Variants in PLB1 observed in about 807,000 individuals in gnomAD.
The protein encoded by PLB1 is phospholipase B1.
Under a neutral mutation model 227.4 loss-of-function variants are expected in PLB1, and 242 were observed. The observed-to-expected ratio is 1.06, with a 90% confidence interval of 0.96 to 1.18. The LOEUF is 1.18. Ranked by LOEUF, PLB1 falls within the 50% of genes most tolerant of loss-of-function variation. The probability of loss-of-function intolerance (pLI) is 0.00; values close to 1 mark genes in which losing one functional copy is unlikely to be tolerated. For missense variants in PLB1, 1,858 were observed against 1,816.3 expected (o/e 1.02, Z -0.42); for synonymous variants, 757 against 682.2 (o/e 1.11, Z -1.71).
At chr2:28,607,870 TC>T (rs1337156102) in intron 43 of PLB1, among the ~76,000 whole-genome samples, 5 of 152,232 alleles carry the variant, frequency 3.3e-5, no homozygotes, top group Middle Eastern at 3.4e-3. Context: ...AACTGTCCAC[TC>T]CCCTTCCATT....
chr2:28,558,917 G>T lies in PLB1; in HGVS notation c.1148-4124G>T, dbSNP rs113587759. On this transcript the variant is annotated intron_variant, in intron 17 of 57. Transcript: ENST00000327757. ...CTTTTTTTTCTTTTTTATTGAAGGA[G>T]TCTCACTATATTGCCCAGGCTGGTC... Among the ~76,000 whole-genome samples, 1,306 of 152,244 alleles carry T rather than the reference G, an allele frequency of 8.6e-3. 17 individuals carry two copies. The highest frequency in any genetic ancestry group is 0.01 in the Middle Eastern group (3 of 294).
In PLB1 at chr2:28,643,119, G is replaced by A; in HGVS notation, c.*58G>A. On this transcript the variant is annotated 3_prime_UTR_variant, in exon 58 of 58. Transcript: ENST00000327757. ...ATAGCCACTCTCTTCACCGCCCTCT[G>A]CCCCAGCCACTCCCGGCCACCAGGA... The A allele has an allele frequency of 6.9e-7, 1 of 1,445,850 alleles. No homozygotes were observed. Among genetic ancestry groups the A allele is most frequent in the Non-Finnish European group, 9.2e-7 (1 of 1,082,568 alleles). The allele number at this position is 1,445,850 out of a possible 1,614,324, so 89.6% of individuals were successfully genotyped here.
chr2:28,589,739 C>G lies in PLB1; in HGVS notation c.1985C>G (p.Ser662Cys). The G allele has an allele frequency of 1.9e-6, 3 of 1,613,994 alleles. No homozygotes were observed. The East Asian group carries it at 6.7e-5, about 36-fold the overall frequency. Residue 662 changes from serine (S) to cysteine (C), a missense_variant, in exon 28 of 58, where the codon TCC becomes TGC. Coordinates refer to ENST00000327757, the MANE Select transcript of PLB1 (RefSeq NM_153021.5). ...TTCCACTTCAGCAGCAAGTCTCACTCCCGAGCAGCCAGTGCTCTCTGGAAC... is the reference window on the plus strand; with the variant it reads ...TTCCACTTCAGCAGCAAGTCTCACTGCCGAGCAGCCAGTGCTCTCTGGAAC... ...DCFHFSSKSH[S>C]RAASALWNNM...
At chr2:28,500,894 C>G (rs1009589846) in intron 1 of PLB1, among the ~76,000 whole-genome samples, 2 of 152,092 alleles carry the variant, frequency 1.3e-5, no homozygotes, top group Non-Finnish European at 1.5e-5. Context: ...CTTCTGTGGC[C>G]CTATCAATTT....
At chr2:28,590,918 GTGAAGCATGAAT>G (rs1167762573) in intron 29 of PLB1, among the ~76,000 whole-genome samples, 1 of 152,182 alleles carries the variant, frequency 6.6e-6, no homozygotes, top group Non-Finnish European at 1.5e-5. Context: ...GCGCGTTCCC[GTGAAGCATGAAT>G]TGATGCTCAT....
In PLB1 at chr2:28,617,765, T is replaced by G; in HGVS notation, c.3234T>G (p.Ala1078=). The change falls in exon 45 of 58, where the codon GCT becomes GCG. Residue 1078 remains alanine, a synonymous_variant. Transcript: ENST00000327757. Reference sequence around the variant, plus strand: ...ACTTCCTGTGTACAGAGTGGAAGGCTTCCAATAGTGTTCCAACCTCTGGTG... The same window carrying G: ...ACTTCCTGTGTACAGAGTGGAAGGCGTCCAATAGTGTTCCAACCTCTGGTG... ...GSDFLCTEWK[A]SNSVPTSVHQ... is the part of the protein sequence containing the mutation. The G allele has an allele frequency of 6.2e-7, 1 of 1,614,156 alleles. No individual in the cohort carries two copies. The highest frequency in any genetic ancestry group is 1.3e-5 in the African/African-American group (1 of 75,046).
At position 28,573,261 on chromosome 2, in the gene PLB1, T is replaced by TCCTA. The variant is rs1242036856; in HGVS notation, c.1390_1393dup (p.Asn465ThrfsTer2). ...CTGTTGGCACTGGGAAAGAAACCAG[T>TCCTA]CCTAATGCCTTCTTAAACCAGGCTG... On this transcript the variant is annotated frameshift_variant, in exon 21 of 58. Coordinates refer to ENST00000327757, the MANE Select transcript of PLB1 (RefSeq NM_153021.5). LOFTEE classifies it high-confidence loss of function. 2.0e-5 allele frequency: 32 copies of TCCTA among 1,614,100 alleles called. No individual in the cohort carries two copies. The highest frequency in any genetic ancestry group is 2.7e-5 in the Non-Finnish European group (32 of 1,179,998).
rs114932209 is a variant in PLB1, at chr2:28,503,486, G to A, written c.55+7317G>A. Among the ~76,000 whole-genome samples the A allele has an allele frequency of 5.1e-3, 781 of 152,222 alleles. 6 individuals carry two copies. Among genetic ancestry groups the A allele is most frequent in the African/African-American group, 0.018 (742 of 41,520 alleles). The stretch of plus-strand genomic sequence containing the variant: ...CTTCTATGTCACCGTTCTCTATTGA[G>A]GCATAGCAAACTACCCCCAAATCTC... On this transcript the variant is annotated intron_variant, in intron 1 of 57. Transcript: ENST00000327757.
chr2:28,629,088 C>T lies in PLB1; in HGVS notation c.3727-6C>T, dbSNP rs755671813. On this transcript the variant is annotated splice_region_variant and splice_polypyrimidine_tract_variant and intron_variant, in intron 52 of 57. Coordinates refer to ENST00000327757, the MANE Select transcript of PLB1 (RefSeq NM_153021.5). ...CCCTAACGAAACCACCCTCCACTCCCTGCAGCTCCCAAGGGCTTTCGTCAA... is the reference window on the plus strand; with the variant it reads ...CCCTAACGAAACCACCCTCCACTCCTTGCAGCTCCCAAGGGCTTTCGTCAA... 27 of 1,612,852 alleles carry T rather than the reference C, an allele frequency of 1.7e-5. No individual in the cohort carries two copies. Among genetic ancestry groups the T allele is most frequent in the Non-Finnish European group, 2.3e-5 (27 of 1,179,372 alleles).
intron 14 of PLB1, among the ~76,000 whole-genome samples, chr2:28,546,952 C>T (rs1673358420): frequency 6.6e-6 from 1 of 152,082 alleles, no homozygotes; most frequent in African/African-American, 2.4e-5. Context: ...GTAATCCCAG[C>T]ACTTTGGGAG....
chr2:28,606,572 T>G lies in PLB1; in HGVS notation c.3129+5T>G. ...CCCATCACCTGTCCCACTCAGGTAG[T>G]AGGGGAGGACCTGCCTGGCTCCTCT... On this transcript the variant is annotated splice_donor_5th_base_variant and intron_variant, in intron 43 of 57. Coordinates refer to ENST00000327757, the MANE Select transcript of PLB1 (RefSeq NM_153021.5). 2 of 1,613,872 alleles carry G rather than the reference T, an allele frequency of 1.2e-6. No homozygotes were observed. The highest frequency in any genetic ancestry group is 1.7e-6 in the Non-Finnish European group (2 of 1,179,776).
intron 15 of PLB1, 43 bp downstream of exon 15, chr2:28,548,974 G>GGC: frequency 6.3e-7 from 1 of 1,591,030 alleles, no homozygotes; most frequent in Non-Finnish European, 8.6e-7. Context: ...TTGAATCGAG[G>GGC]GCGCAGGTGG....
chr2:28,633,065 C>T (rs765929514), intron 56 of PLB1, 26 bp downstream of exon 56: 1 of 1,584,988 alleles, frequency 6.3e-7, no homozygotes, highest in Non-Finnish European at 8.7e-7. Flanking sequence ...CCTGGTGGGC[C>T]TTGTCAAGGG....
Position 28,550,092 on chromosome 2 carries a change from A to G in PLB1, c.1083+8A>G. On this transcript the variant is annotated splice_region_variant and intron_variant, in intron 16 of 57. Transcript: ENST00000327757. ...CCCCAAGACAAGCTTGAGGTAAGGAAAGGTTTTCTGTAATTGACAAACATG... is the reference window on the plus strand; with the variant it reads ...CCCCAAGACAAGCTTGAGGTAAGGAGAGGTTTTCTGTAATTGACAAACATG... 6.2e-7 allele frequency: 1 copy of G among 1,605,302 alleles called. No individual in the cohort carries two copies. Among genetic ancestry groups the G allele is most frequent in the Non-Finnish European group, 8.5e-7 (1 of 1,173,174 alleles).
chr2:28,527,359 G>A (rs2148189113), intron 6 of PLB1, among the ~76,000 whole-genome samples: 1 of 152,336 alleles, frequency 6.6e-6, no homozygotes, highest in East Asian at 1.9e-4. Context: ...GGGAAGGAGG[G>A]AGGAGTGGAG....
At chr2:28,625,187 C>A in intron 50 of PLB1, 79 bp downstream of exon 50, 1 of 1,331,918 alleles carries the variant, frequency 7.5e-7, no homozygotes, top group Non-Finnish European at 1.1e-6. Context: ...CATAAGGGTC[C>A]CTCTCACCAC....
chr2:28,543,057 A>T (rs1379558547), intron 13 of PLB1, among the ~76,000 whole-genome samples, 155 bp from the exon 14 acceptor site: 1 of 151,986 alleles, frequency 6.6e-6, no homozygotes, highest in Non-Finnish European at 1.5e-5. Context: ...CGGTGGTCCC[A>T]TAAGTGCCCC....
chr2:28,524,993 A>G (rs762429030), intron 4 of PLB1, among the ~76,000 whole-genome samples: 2 of 151,952 alleles, frequency 1.3e-5, no homozygotes, highest in Non-Finnish European at 2.9e-5. Context: ...GATTATGGGC[A>G]TGTGCCACAA....
rs552475283 is a variant in PLB1, at chr2:28,522,126, A to G, written c.243+2363A>G. Reference sequence around the variant, plus strand: ...TTGGCTTGGACTCCCTGCCCTAGACAGTGTTAGCCTCACCACATTTATCAA... The same window carrying G: ...TTGGCTTGGACTCCCTGCCCTAGACGGTGTTAGCCTCACCACATTTATCAA... On this transcript the variant is annotated intron_variant, in intron 4 of 57. Coordinates refer to ENST00000327757, the MANE Select transcript of PLB1 (RefSeq NM_153021.5). Among the ~76,000 whole-genome samples, 29 of 152,026 alleles carry G rather than the reference A, an allele frequency of 1.9e-4. No homozygotes were observed. In the South Asian group the frequency reaches 5.6e-3, roughly 29 times the overall value.
Sources: allele counts gnomAD v4.1 joint callset (sites outside exome capture counted in the v4.1 genomes callset), GRCh38; gene constraint gnomAD v4.1.1; transcripts MANE v1.5; gene names NCBI Gene and HGNC (gene_info 2026-07-23, HGNC 2026-07-21).